Variants in PRDM2 observed in about 807,000 individuals in gnomAD.
The protein encoded by PRDM2 is PR domain zinc finger protein 2.
PRDM2 carries 30 observed loss-of-function variants against 130.0 expected under a neutral mutation model. That is an observed-to-expected ratio of 0.23 (90% confidence interval 0.17 to 0.31). The LOEUF (loss-of-function observed/expected upper bound fraction) is 0.31. PRDM2 is among the 10% of genes least tolerant of loss of function. The pLI is 1.00. For missense variants in PRDM2, 2,011 were observed against 2,108.4 expected, an observed-to-expected ratio of 0.95 and a Z score of 0.90; for synonymous variants, 871 against 782.4, an observed-to-expected ratio of 1.11 and a Z score of -1.89.
chr1:13,784,131 C>A (rs1644684521), intron 8 of PRDM2, among the ~76,000 whole-genome samples: 2 of 152,184 alleles, frequency 1.3e-5, no homozygotes, highest in African/African-American at 2.4e-5. Context: ...TATTTAGTTG[C>A]CATAGGTCTG....
intron 4 of PRDM2, among the ~76,000 whole-genome samples, chr1:13,736,980 T>C (rs951902751): frequency 3.9e-5 from 6 of 152,248 alleles, no homozygotes; most frequent in Admixed American, 1.3e-4. Flanking sequence ...TTAAAAGATA[T>C]ATAAACTTTT....
intron 1 of PRDM2, 103 bp downstream of exon 1, chr1:13,700,403 C>G (rs1349336037): frequency 2.7e-5 from 4 of 149,960 alleles, no homozygotes; most frequent in Non-Finnish European, 6.0e-5. Context: ...CGCTGGGGAC[C>G]CGGCGCCGCA....
chr1:13,777,548 T>C (rs911553714), intron 7 of PRDM2, among the ~76,000 whole-genome samples: 4 of 144,962 alleles, frequency 2.8e-5, no homozygotes, highest in African/African-American at 1.0e-4. Flanking sequence ...CTGATGTCTT[T>C]GCTGTTCTTT....
chr1:13,742,439 C>T (rs1643475603), intron 5 of PRDM2, among the ~76,000 whole-genome samples: 1 of 152,148 alleles, frequency 6.6e-6, no homozygotes, highest in Non-Finnish European at 1.5e-5. Flanking sequence ...TGGGCTCAAG[C>T]GATCTACCTG....
intron 1 of PRDM2, among the ~76,000 whole-genome samples, chr1:13,703,372 A>C (rs1642121974): frequency 6.6e-6 from 1 of 152,218 alleles, no homozygotes; most frequent in African/African-American, 2.4e-5. Flanking sequence ...TCCAAATAGC[A>C]CTTGAACCGC....
chr1:13,801,647 T>C (rs1244866176), intron 8 of PRDM2, among the ~76,000 whole-genome samples: 2 of 152,234 alleles, frequency 1.3e-5, no homozygotes, highest in African/African-American at 2.4e-5. Context: ...AAGATTAAAT[T>C]CATTATTCCA....
At chr1:13,752,736 A>G (rs74844882) in intron 6 of PRDM2, among the ~76,000 whole-genome samples, 2,870 of 152,304 alleles carry the variant, frequency 0.019, 82 homozygotes, top group African/African-American at 0.066. Flanking sequence ...GTGGCTTTCT[A>G]CAAATGGGCT....
At chr1:13,748,565 C>T (rs1643687793) in intron 5 of PRDM2, among the ~76,000 whole-genome samples, 1 of 152,122 alleles carries the variant, frequency 6.6e-6, no homozygotes, top group Non-Finnish European at 1.5e-5. Flanking sequence ...TGAGAGAAAC[C>T]AATAGGCTGT....
intron 9 of PRDM2, among the ~76,000 whole-genome samples, chr1:13,816,930 T>G (rs918211400): frequency 6.6e-6 from 1 of 152,232 alleles, no homozygotes. Flanking sequence ...GTCTGTCACA[T>G]AGTAAGCACT....
At chr1:13,754,803 G>A (rs115824810) in intron 6 of PRDM2, among the ~76,000 whole-genome samples, 2,229 of 152,336 alleles carry the variant, frequency 0.015, 26 homozygotes, top group South Asian at 0.036. Flanking sequence ...GCACTGGCCT[G>A]TGGTTCCTGT....
chr1:13,821,915 G>T (rs11807771), intron 9 of PRDM2, among the ~76,000 whole-genome samples: 4,640 of 152,234 alleles, frequency 0.03, 220 homozygotes, highest in African/African-American at 0.1. Context: ...GCCTGACCTG[G>T]GTTCAAGTCT....
chr1:13,820,313 A>G (rs1235510589), intron 9 of PRDM2, among the ~76,000 whole-genome samples: 1 of 152,160 alleles, frequency 6.6e-6, no homozygotes. Flanking sequence ...ATGCAGCGAG[A>G]ATGAACACAG....
chr1:13,756,475 T>C (rs1643957117), intron 6 of PRDM2, among the ~76,000 whole-genome samples: 1 of 152,312 alleles, frequency 6.6e-6, no homozygotes, highest in Middle Eastern at 3.4e-3. Flanking sequence ...ATTTTGACCA[T>C]CCATCTGGCT....
chr1:13,799,255 C>G (rs1644970095), intron 8 of PRDM2, among the ~76,000 whole-genome samples: 2 of 152,066 alleles, frequency 1.3e-5, no homozygotes, highest in African/African-American at 4.8e-5. Flanking sequence ...ACCAGCCTGG[C>G]CAACATGGTG....
intron 6 of PRDM2, among the ~76,000 whole-genome samples, chr1:13,752,644 A>G (rs934004051): frequency 1.3e-5 from 2 of 152,174 alleles, no homozygotes; most frequent in Admixed American, 6.5e-5. Flanking sequence ...CAGAGTGTAG[A>G]TTATAATAGC....
Position 13,732,835 on chromosome 1 carries a change from G to C in PRDM2, c.184G>C (p.Asp62His). ...CAAAAAATTTGGGCCATTTGTTGGT[G>C]ATAAGAAAAAAAGATCTCAGGTTAA... Reference protein sequence around the residue: ...KGKKFGPFVGDKKKRSQVKNN... With the variant: ...KGKKFGPFVGHKKKRSQVKNN... The change falls in exon 4 of 10, where the codon GAT (aspartate) becomes CAT (histidine). Residue 62 changes from aspartate (D) to histidine (H), a missense_variant. Around this residue, in one of 5 missense-constraint regions of PRDM2, gnomAD observed 79 missense variants for 93.6 expected, o/e 0.84. Coordinates refer to ENST00000311066, the MANE Select transcript of PRDM2 (RefSeq NM_001393986.1). 6.2e-7 allele frequency: 1 copy of C among 1,607,320 alleles called. No individual in the cohort carries two copies. Among genetic ancestry groups the C allele is most frequent in the Non-Finnish European group, 8.5e-7 (1 of 1,177,368 alleles).
At chr1:13,777,119 A>G (rs888294427) in intron 7 of PRDM2, among the ~76,000 whole-genome samples, 20 of 152,016 alleles carry the variant, frequency 1.3e-4, no homozygotes, top group African/African-American at 4.4e-4. Flanking sequence ...TGGTCTTCCA[A>G]CGTTTTATTA....
At chr1:13,785,965 A>G (rs1236459834) in intron 8 of PRDM2, among the ~76,000 whole-genome samples, 1 of 150,258 alleles carries the variant, frequency 6.7e-6, no homozygotes, top group African/African-American at 2.5e-5. Flanking sequence ...CAGCCTCCCG[A>G]GTAGCTGGGA....
In PRDM2 at chr1:13,819,605, C is replaced by T. The variant is rs114642126; in HGVS notation, c.*23+3035C>T. ...TTTATACTGTTTGCCTTAGTTAGCT[C>T]AGGCTGCTATCACAAAATACCACTG... On this transcript the variant is annotated intron_variant, in intron 9 of 9. Coordinates refer to ENST00000311066, the MANE Select transcript of PRDM2 (RefSeq NM_001393986.1). Among the ~76,000 whole-genome samples, 515 of 152,288 alleles carry T rather than the reference C, an allele frequency of 3.4e-3. 5 individuals are homozygous for T. The highest frequency in any genetic ancestry group is 0.012 in the African/African-American group (492 of 41,542).
Sources: allele counts gnomAD v4.1 joint callset (sites outside exome capture counted in the v4.1 genomes callset), GRCh38; gene constraint gnomAD v4.1.1; regional missense constraint gnomAD v4.1.1; transcripts MANE v1.5; gene names NCBI Gene and HGNC (gene_info 2026-07-23, HGNC 2026-07-21).